The following ME2 variants were observed in gnomAD, a reference collection of about 807,000 sequenced individuals.
The protein encoded by ME2 is malic enzyme 2, also known as NAD-dependent malic enzyme, mitochondrial.
ME2 carries 60 observed loss-of-function variants against 73.7 expected under a neutral mutation model. That is an observed-to-expected ratio of 0.81 (90% CI 0.66 to 1.01). ME2 has a LOEUF of 1.01. ME2 is among the 50% of genes least tolerant of loss of function. The probability of loss-of-function intolerance (pLI) is 0.00; values close to 1 mark genes in which losing one functional copy is unlikely to be tolerated. For synonymous variants in ME2, 199 were observed against 236.9 expected (o/e 0.84, Z 1.47); for missense variants, 594 against 705.5 (o/e 0.84, Z 1.79).
intron 13 of ME2, among the ~76,000 whole-genome samples, chr18:50,937,815 G>A (rs932546082): frequency 2.0e-5 from 3 of 152,074 alleles, no homozygotes; most frequent in Non-Finnish European, 2.9e-5. Flanking sequence ...AAATTAGAGA[G>A]CCAATCCAAG....
intron 10 of ME2, among the ~76,000 whole-genome samples, chr18:50,922,327 T>A (rs2144240788): frequency 6.6e-6 from 1 of 152,242 alleles, no homozygotes; most frequent in Non-Finnish European, 1.5e-5. Flanking sequence ...GTTTAAAAGG[T>A]CGAGGGAGTT....
At chr18:50,929,474 C>G (rs1429166679) in intron 12 of ME2, among the ~76,000 whole-genome samples, 1 of 121,110 alleles carries the variant, frequency 8.3e-6, no homozygotes, top group Non-Finnish European at 1.7e-5. Flanking sequence ...GGCAACAGAG[C>G]AAGACTGTCT....
intron 12 of ME2, among the ~76,000 whole-genome samples, chr18:50,926,117 T>A (rs1035826857): frequency 1.3e-5 from 2 of 152,192 alleles, no homozygotes; most frequent in African/African-American, 4.8e-5. Flanking sequence ...ACTATTGTTG[T>A]GAATTTTAAT....
rs572687051 is a variant in ME2, at chr18:50,950,278, G to T, written c.*3094G>T. On this transcript the variant is annotated 3_prime_UTR_variant, in exon 16 of 16. Coordinates refer to ENST00000321341, the MANE Select transcript of ME2 (RefSeq NM_002396.5). ...GATCACTGTGAAGCTTTAAAATGCAGGTGCCTTTGCTCCTCCTCCCTCCAG... is the reference window on the plus strand; with the variant it reads ...GATCACTGTGAAGCTTTAAAATGCATGTGCCTTTGCTCCTCCTCCCTCCAG... 2 of 152,178 alleles carry T rather than the reference G, an allele frequency of 1.3e-5. No individual in the cohort carries two copies. Among genetic ancestry groups the T allele is most frequent in the East Asian group, 3.9e-4 (2 of 5,160 alleles). 9.4% of individuals were successfully genotyped at this position (152,178 alleles called of 1,614,324 possible).
chr18:50,928,966 T>TC (rs1394474660), intron 12 of ME2, among the ~76,000 whole-genome samples: 39 of 152,118 alleles, frequency 2.6e-4, no homozygotes, highest in African/African-American at 8.7e-4. Context: ...AAACCTCTCT[T>TC]CCCCAACACC....
chr18:50,900,109 A>T, intron 2 of ME2, among the ~76,000 whole-genome samples: 1 of 151,964 alleles, frequency 6.6e-6, no homozygotes, highest in East Asian at 1.9e-4. Flanking sequence ...GTGTTTTCTT[A>T]TCATTTTTTG....
In ME2 at chr18:50,912,939, T is replaced by G. The variant is rs768842568; in HGVS notation, c.381T>G (p.Phe127Leu). The change falls in exon 4 of 16, where the codon TTT becomes TTG. Residue 127 changes from phenylalanine to leucine, a missense_variant. Phe to Leu is a conservative substitution (Grantham distance 22). Transcript: ENST00000321341. ...GLACSQYGHI[F>L]RRPKGLFISI... is the part of the protein sequence containing the mutation. Reference sequence around the variant, plus strand: ...CCTGCTCCCAGTATGGACACATCTTTAGAAGACCTAAGTAAGGCTTGTTTA... The same window carrying G: ...CCTGCTCCCAGTATGGACACATCTTGAGAAGACCTAAGTAAGGCTTGTTTA... 1 of 1,597,834 alleles carries G rather than the reference T, an allele frequency of 6.3e-7. No individual in the cohort carries two copies.
intron 3 of ME2, among the ~76,000 whole-genome samples, chr18:50,911,250 C>T (rs1413919544): frequency 6.6e-6 from 1 of 152,196 alleles, no homozygotes; most frequent in Non-Finnish European, 1.5e-5. Flanking sequence ...TGTTTACTTC[C>T]CTATACTGCA....
chr18:50,918,865 C>G (rs1484179635), intron 7 of ME2, among the ~76,000 whole-genome samples: 1 of 152,152 alleles, frequency 6.6e-6, no homozygotes, highest in Non-Finnish European at 1.5e-5. Flanking sequence ...CTTGTGAGGC[C>G]TGCATTTCTA....
chr18:50,888,984 C>T (rs1409853481), intron 1 of ME2, among the ~76,000 whole-genome samples: 1 of 151,952 alleles, frequency 6.6e-6, no homozygotes, highest in Non-Finnish European at 1.5e-5. Context: ...TCTGGATATC[C>T]ATCACTTTCA....
chr18:50,941,346 A>T (rs1599127430), intron 15 of ME2, among the ~76,000 whole-genome samples: 2 of 113,008 alleles, frequency 1.8e-5, no homozygotes, highest in Non-Finnish European at 1.7e-5. Flanking sequence ...TGTATTTGTG[A>T]TGGTTTCTTT....
chr18:50,903,305 T>A (rs1419775716), intron 2 of ME2, among the ~76,000 whole-genome samples: 1 of 152,202 alleles, frequency 6.6e-6, no homozygotes, highest in Non-Finnish European at 1.5e-5. Context: ...AACATAAATA[T>A]CTATACATAA....
chr18:50,935,313 GAC>G (rs1343103772), intron 13 of ME2: 1 of 152,026 alleles, frequency 6.6e-6, no homozygotes, highest in Non-Finnish European at 1.5e-5. Context: ...AAGAAAAACA[GAC>G]ACACTGAAAC....
intron 15 of ME2, among the ~76,000 whole-genome samples, chr18:50,941,176 A>G (rs1234342510): frequency 6.7e-6 from 1 of 149,052 alleles, no homozygotes; most frequent in Non-Finnish European, 1.5e-5. Context: ...CAGGAGAATC[A>G]CTTGAACCTG....
At chr18:50,915,088 C>G (rs934436746) in intron 4 of ME2, among the ~76,000 whole-genome samples, 2 of 144,668 alleles carry the variant, frequency 1.4e-5, no homozygotes, top group African/African-American at 5.6e-5. Context: ...GGAAGACCAA[C>G]CCCTCCTCCT....
At position 50,920,678 on chromosome 18, in the gene ME2, C is replaced by G; in HGVS notation, c.862C>G (p.Leu288Val). ...DDIQGTAAVA[L>V]AGLLAAQKVI... ...TCTTACAGGGACAGCTGCAGTAGCTCTAGCAGGTCTTCTTGCAGCACAAAA... is the reference window on the plus strand; with the variant it reads ...TCTTACAGGGACAGCTGCAGTAGCTGTAGCAGGTCTTCTTGCAGCACAAAA... Residue 288 changes from leucine (L) to valine (V), a missense_variant, in exon 9 of 16, where the codon CTA becomes GTA. Leu to Val is a conservative substitution (Grantham distance 32). Transcript: ENST00000321341. The G allele has an allele frequency of 6.2e-7, 1 of 1,611,242 alleles. No homozygotes were observed. The highest frequency in any genetic ancestry group is 1.3e-5 in the African/African-American group (1 of 74,864).
chr18:50,907,699 A>G (rs1917047438), intron 2 of ME2, among the ~76,000 whole-genome samples: 1 of 152,242 alleles, frequency 6.6e-6, no homozygotes, highest in African/African-American at 2.4e-5. Context: ...CAAGAGAACT[A>G]GAAACAATGC....
intron 4 of ME2, 158 bp from the exon 5 acceptor site, chr18:50,916,009 GA>G: frequency 1.8e-6 from 1 of 565,020 alleles, no homozygotes. Context: ...TGAAGTACTT[GA>G]AAATGTTTGA....
At chr18:50,930,067 C>G (rs1265501440) in intron 12 of ME2, among the ~76,000 whole-genome samples, 1 of 151,924 alleles carries the variant, frequency 6.6e-6, no homozygotes, top group East Asian at 1.9e-4. Flanking sequence ...TGAGACCAGC[C>G]TAGGCAACGT....
Sources: gnomAD v4.1 joint callset for allele counts (sites outside exome capture counted in the v4.1 genomes callset) on GRCh38, gnomAD v4.1.1 for gene constraint, MANE v1.5 for transcripts, NCBI Gene and HGNC (gene_info 2026-07-23, HGNC 2026-07-21) for gene names.